The following TANC2 variants were observed in gnomAD, a reference collection of about 807,000 sequenced individuals.
TANC2 encodes the protein tetratricopeptide repeat, ankyrin repeat and coiled-coil containing 2.
A neutral mutation model predicts 210.5 loss-of-function variants in TANC2; 26 were observed. That is an observed-to-expected ratio of 0.12 (90% CI 0.09 to 0.17). TANC2 has a LOEUF of 0.17. Among genes scored for constraint, TANC2 ranks in the 10% least tolerant of loss-of-function variants. The pLI is 1.00. For synonymous variants in TANC2, 931 were observed against 967.1 expected (o/e 0.96, Z 0.69); for missense variants, 2,129 against 2,608.9 (o/e 0.82, Z 4.01).
chr17:62,968,214 A>G (rs2031473560), intron 1 of TANC2, among the ~76,000 whole-genome samples: 1 of 152,234 alleles, frequency 6.6e-6, no homozygotes, highest in Non-Finnish European at 1.5e-5. Context: ...GTGTGAATAT[A>G]CTATATAACA....
chr17:63,027,198 A>G (rs1431861024), intron 2 of TANC2, among the ~76,000 whole-genome samples: 2 of 152,174 alleles, frequency 1.3e-5, no homozygotes, highest in Non-Finnish European at 2.9e-5. Context: ...TAAACAATTT[A>G]AACTGGTTTA....
chr17:63,071,418 A>G (rs2036393497), intron 2 of TANC2, among the ~76,000 whole-genome samples: 1 of 152,046 alleles, frequency 6.6e-6, no homozygotes, highest in African/African-American at 2.4e-5. Context: ...TGGGCTCCCA[A>G]AGTGCTGGGA....
At chr17:63,004,788 T>C in intron 1 of TANC2, 1 of 349,794 alleles carries the variant, frequency 2.9e-6, no homozygotes, top group Non-Finnish European at 5.6e-6. Flanking sequence ...GTTATTCCCC[T>C]TACCCGCTTT....
intron 5 of TANC2, among the ~76,000 whole-genome samples, chr17:63,161,013 A>G (rs1207098331): frequency 6.6e-6 from 1 of 152,156 alleles, no homozygotes; most frequent in Non-Finnish European, 1.5e-5. Flanking sequence ...TATGACTGAA[A>G]AGGATGTAGA....
chr17:63,024,325 G>T (rs981075978), intron 2 of TANC2, among the ~76,000 whole-genome samples: 8 of 152,114 alleles, frequency 5.3e-5, no homozygotes, highest in Non-Finnish European at 8.8e-5. Flanking sequence ...CTAGACAAAG[G>T]GTGGATTATT....
chr17:63,115,508 A>G (rs1054548041), intron 4 of TANC2, among the ~76,000 whole-genome samples: 8 of 152,182 alleles, frequency 5.3e-5, no homozygotes, highest in African/African-American at 7.2e-5. Context: ...GCTAGTCCGC[A>G]GTATCTGTAT....
chr17:63,211,367 C>T (rs1188160830), intron 7 of TANC2, among the ~76,000 whole-genome samples: 2 of 152,092 alleles, frequency 1.3e-5, no homozygotes, highest in African/African-American at 4.8e-5. Context: ...TTCTCTCCCA[C>T]TTCTTTTTGC....
In TANC2 at chr17:63,412,976, T is replaced by C. The variant is rs2048749843; in HGVS notation, c.3928+267T>C. ...TTTCTTTTTGTGGGTAAAGTCATCC[T>C]CAGTAATGTTGGTTTGTTTCACATC... On this transcript the variant is annotated intron_variant, in intron 24 of 27. Transcript: ENST00000689528. This position sits in a 1 kb window ranked among gnomAD's most constrained non-coding sequence, Gnocchi z 4.2. 6.6e-6 allele frequency among the ~76,000 whole-genome samples: 1 copy of C among 152,222 alleles called. No homozygotes were observed. The highest frequency in any genetic ancestry group is 2.1e-4 in the South Asian group (1 of 4,834).
chr17:63,188,688 A>G (rs995994090), intron 5 of TANC2, among the ~76,000 whole-genome samples: 1 of 152,040 alleles, frequency 6.6e-6, no homozygotes, highest in Non-Finnish European at 1.5e-5. Context: ...GTGGTTATGT[A>G]AAATGTTACC....
At chr17:63,229,056 G>C (rs2042401520) in intron 7 of TANC2, among the ~76,000 whole-genome samples, 1 of 152,070 alleles carries the variant, frequency 6.6e-6, no homozygotes, top group Non-Finnish European at 1.5e-5. Context: ...TATGATATTG[G>C]CCATGGGTTT....
chr17:63,418,542 G>T lies in TANC2; in HGVS notation c.4268+135G>T. 1.3e-6 allele frequency: 1 copy of T among 754,792 alleles called. No homozygotes were observed. Among genetic ancestry groups the T allele is most frequent in the Admixed American group, 2.7e-5 (1 of 37,500 alleles). The allele number at this position is 754,792 out of a possible 1,614,324, so 46.8% of individuals were successfully genotyped here. On this transcript the variant is annotated intron_variant, in intron 27 of 27. Transcript: ENST00000689528. This position sits in a 1 kb window ranked among gnomAD's most constrained non-coding sequence, Gnocchi z 4.6. Reference sequence around the variant, plus strand: ...AGAACTGTCAGGGCCAAGCTTTGGGGATGGCTCCCATAGCACAGCCCTCAG... The same window carrying T: ...AGAACTGTCAGGGCCAAGCTTTGGGTATGGCTCCCATAGCACAGCCCTCAG...
chr17:63,410,886 AAAAG>A (rs2048679618), intron 21 of TANC2, among the ~76,000 whole-genome samples: 1 of 150,852 alleles, frequency 6.6e-6, no homozygotes, highest in South Asian at 2.1e-4. Context: ...AAAAAAAAAA[AAAAG>A]AAGCAGAAGA....
chr17:63,298,189 A>G (rs1207018280), intron 9 of TANC2, among the ~76,000 whole-genome samples: 2 of 152,210 alleles, frequency 1.3e-5, no homozygotes, highest in Non-Finnish European at 2.9e-5. Flanking sequence ...ATGATCCAGT[A>G]ATTTCATTTT....
intron 19 of TANC2, among the ~76,000 whole-genome samples, chr17:63,400,551 T>C (rs1008603865): frequency 2.6e-5 from 4 of 152,204 alleles, no homozygotes; most frequent in African/African-American, 9.6e-5. Context: ...GTGTTGTGTT[T>C]GACTTATGCA....
In TANC2 at chr17:63,143,300, A is replaced by G. The variant is rs368985972; in HGVS notation, c.323-7970A>G. On this transcript the variant is annotated intron_variant, in intron 4 of 27. Transcript: ENST00000689528. ...TGCTAATCCTTAAAAAGTTATCATGATGCCTCTTTTCTTATTTATTACATA... is the reference window on the plus strand; with the variant it reads ...TGCTAATCCTTAAAAAGTTATCATGGTGCCTCTTTTCTTATTTATTACATA... 7.5e-4 allele frequency among the ~76,000 whole-genome samples: 115 copies of G among 152,332 alleles called. 1 individual carries two copies. In the South Asian group the frequency reaches 0.011, roughly 15 times the overall value.
intron 2 of TANC2, among the ~76,000 whole-genome samples, chr17:63,055,483 T>C (rs955578153): frequency 6.0e-4 from 92 of 152,282 alleles, no homozygotes; most frequent in African/African-American, 2.1e-3. Context: ...CTTTTTTTTA[T>C]TTCTGCACTT....
chr17:63,408,175 G>T (rs973324732), intron 21 of TANC2, among the ~76,000 whole-genome samples: 1 of 152,228 alleles, frequency 6.6e-6, no homozygotes, highest in Non-Finnish European at 1.5e-5. Flanking sequence ...TAACCCAAGG[G>T]CAGTAGCTTT....
chr17:63,393,928 A>G (rs2048070697), intron 17 of TANC2, among the ~76,000 whole-genome samples: 1 of 151,514 alleles, frequency 6.6e-6, no homozygotes, highest in African/African-American at 2.4e-5. Flanking sequence ...CCACCACCAC[A>G]CCCAGCTAAT....
intron 11 of TANC2, chr17:63,332,594 G>A (rs184332262): frequency 5.1e-4 from 130 of 255,794 alleles, no homozygotes; most frequent in African/African-American, 2.7e-3. Context: ...TACCACTATG[G>A]CCAGTTGAAG....
Sources: gnomAD v4.1 joint callset for allele counts (sites outside exome capture counted in the v4.1 genomes callset) on GRCh38, gnomAD v4.1.1 for gene constraint, Gnocchi (gnomAD v3.1) non-coding constraint, MANE v1.5 for transcripts, NCBI Gene and HGNC (gene_info 2026-07-23, HGNC 2026-07-21) for gene names.